UBE2F: variants seen among roughly 807,000 people sequenced by gnomAD.
UBE2F encodes the protein NEDD8-conjugating enzyme UBE2F.
Under a neutral mutation model 29.6 loss-of-function variants are expected in UBE2F, and 5 were observed. The observed-to-expected ratio is 0.17, with a 90% CI of 0.09 to 0.36. The LOEUF is 0.36. Ranked by LOEUF, UBE2F falls within the 10% of genes least tolerant of loss-of-function variation. The pLI is 1.00. For synonymous variants in UBE2F, 66 were observed against 81.8 expected (o/e 0.81, Z 1.04); for missense variants, 141 against 228.5 (o/e 0.62, Z 2.47).
chr2:238,028,193 G>A (rs1179976469), intron 6 of UBE2F, among the ~76,000 whole-genome samples: 2 of 152,352 alleles, frequency 1.3e-5, no homozygotes, highest in African/African-American at 2.4e-5. Context: ...GCCCAGACCA[G>A]TGGCCACCAC....
intron 3 of UBE2F, among the ~76,000 whole-genome samples, chr2:237,990,232 A>G (rs926385457): frequency 6.6e-6 from 1 of 151,540 alleles, no homozygotes; most frequent in Non-Finnish European, 1.5e-5. Flanking sequence ...GGGGGGCAGG[A>G]TAGACAAGCA....
intron 4 of UBE2F, 62 bp from the exon 5 acceptor site, chr2:238,016,504 T>G (rs2064156797): frequency 6.9e-7 from 1 of 1,453,524 alleles, no homozygotes; most frequent in Non-Finnish European, 9.5e-7. Flanking sequence ...AGTGTTTGCT[T>G]TTTGTTTCCT....
intron 5 of UBE2F, 159 bp from the exon 6 acceptor site, chr2:238,025,183 G>A (rs1260259245): frequency 3.1e-6 from 2 of 647,416 alleles, no homozygotes; most frequent in Admixed American, 2.2e-5. Context: ...GGTGAGGTGA[G>A]CCAGTATTCA....
chr2:238,022,125 G>A (rs1294086915), intron 5 of UBE2F, among the ~76,000 whole-genome samples: 1 of 151,448 alleles, frequency 6.6e-6, no homozygotes, highest in East Asian at 1.9e-4. Context: ...GGAGGAAATG[G>A]TATCTCGTTT....
At chr2:238,012,953 A>G (rs920640708) in intron 4 of UBE2F, among the ~76,000 whole-genome samples, 1 of 152,164 alleles carries the variant, frequency 6.6e-6, no homozygotes, top group Non-Finnish European at 1.5e-5. Context: ...AGGACATACT[A>G]TTTATAATAC....
intron 4 of UBE2F, among the ~76,000 whole-genome samples, chr2:237,996,462 C>T (rs569154587): frequency 2.0e-4 from 28 of 141,096 alleles, no homozygotes; most frequent in Non-Finnish European, 1.1e-4. Flanking sequence ...GTTTCTTCCC[C>T]GCCTCCCCTC....
At chr2:237,976,803 T>C (rs1249147006) in intron 2 of UBE2F, among the ~76,000 whole-genome samples, 1 of 152,132 alleles carries the variant, frequency 6.6e-6, no homozygotes, top group East Asian at 1.9e-4. Context: ...AATGGGGTAA[T>C]TCTTGTTTGA....
chr2:237,986,680 A>C (rs542661049), intron 2 of UBE2F, among the ~76,000 whole-genome samples: 1 of 152,212 alleles, frequency 6.6e-6, no homozygotes, highest in South Asian at 2.1e-4. Context: ...TTTTGAGTTG[A>C]TTTTTCATGT....
rs536634238 is a variant in UBE2F, at chr2:238,041,577, T to G, written c.*239T>G. The G allele has an allele frequency of 1.2e-4, 56 of 480,318 alleles. No individual in the cohort carries two copies. In the East Asian group the frequency reaches 2.0e-3, roughly 17 times the overall value. 29.8% of individuals were successfully genotyped at this position (480,318 alleles called of 1,614,324 possible). A position where few individuals can be genotyped will look rare whatever the true frequency, so the allele number is the denominator to read the frequency against. On this transcript the variant is annotated 3_prime_UTR_variant, in exon 10 of 10. Coordinates refer to ENST00000272930, the MANE Select transcript of UBE2F (RefSeq NM_080678.3). Reference sequence around the variant, plus strand: ...GCTTCTGAAGAGTTGTCTGCTTACCTTAACATGTTTACTTTTTTGAACTTG... The same window carrying G: ...GCTTCTGAAGAGTTGTCTGCTTACCGTAACATGTTTACTTTTTTGAACTTG...
At chr2:238,015,360 G>A (rs1231110519) in intron 4 of UBE2F, among the ~76,000 whole-genome samples, 2 of 152,084 alleles carry the variant, frequency 1.3e-5, no homozygotes, top group Admixed American at 6.5e-5. Context: ...AGTAATAAAA[G>A]GAGAGTTTCA....
At chr2:238,003,562 A>G in intron 4 of UBE2F, 2 of 301,504 alleles carry the variant, frequency 6.6e-6, no homozygotes, top group Middle Eastern at 8.3e-4. Flanking sequence ...AAAACCATTC[A>G]TTTCCATGGG....
intron 4 of UBE2F, among the ~76,000 whole-genome samples, chr2:237,996,228 G>C (rs952792784): frequency 1.2e-4 from 19 of 152,168 alleles, no homozygotes; most frequent in Non-Finnish European, 2.2e-4. Context: ...TCATTGTAGT[G>C]ATTAAGATTG....
intron 6 of UBE2F, among the ~76,000 whole-genome samples, chr2:238,029,947 CTTTCT>C (rs144511363): frequency 0.097 from 12,701 of 130,774 alleles, 634 homozygotes; most frequent in African/African-American, 0.21. Flanking sequence ...TTCTTTCTTT[CTTTCT>C]TTTTTTTTTT....
At chr2:238,039,079 A>T (rs527586914) in intron 9 of UBE2F, among the ~76,000 whole-genome samples, 15 of 152,266 alleles carry the variant, frequency 9.9e-5, no homozygotes, top group African/African-American at 3.6e-4. Context: ...TAGTAAAAAT[A>T]AAAAAATTAG....
chr2:238,016,189 A>C (rs1220965046), intron 4 of UBE2F, among the ~76,000 whole-genome samples: 1 of 152,118 alleles, frequency 6.6e-6, no homozygotes, highest in Non-Finnish European at 1.5e-5. Flanking sequence ...TCTTGGGGAG[A>C]CCAGCAGTAA....
intron 6 of UBE2F, among the ~76,000 whole-genome samples, chr2:238,030,094 T>A (rs2064538743): frequency 1.3e-5 from 2 of 152,084 alleles, no homozygotes; most frequent in African/African-American, 4.8e-5. Flanking sequence ...TATGCCTGGC[T>A]AATTTTTAAT....
chr2:237,968,372 C>T (rs2063104575), intron 1 of UBE2F, among the ~76,000 whole-genome samples: 1 of 152,178 alleles, frequency 6.6e-6, no homozygotes, highest in Non-Finnish European at 1.5e-5. Context: ...AACCAGCGTA[C>T]TCCTGTGCCG....
rs1212034496 is a variant in UBE2F at position 238,040,143 on chromosome 2, C to T, written c.508-1145C>T. 2.6e-5 allele frequency among the ~76,000 whole-genome samples: 4 copies of T among 152,296 alleles called. No homozygotes were observed. The highest frequency in any genetic ancestry group is 3.9e-4 in the East Asian group (2 of 5,180). On this transcript the variant is annotated intron_variant, in intron 9 of 9. Coordinates refer to ENST00000272930, the MANE Select transcript of UBE2F (RefSeq NM_080678.3). The surrounding 1 kb of genome is among the most constrained non-coding windows in gnomAD (Gnocchi z 4.4). ...CCAGAGCAAGTCATGGGACCGTATC[C>T]ATAGCTTCAAATTGGGAACTTGCCC...
intron 2 of UBE2F, among the ~76,000 whole-genome samples, chr2:237,981,167 G>T (rs956414667): frequency 1.3e-5 from 2 of 152,158 alleles, no homozygotes; most frequent in African/African-American, 2.4e-5. Flanking sequence ...CTTGTAGGTG[G>T]GTGGCGTTCT....
Sources: gnomAD v4.1 joint callset for allele counts (sites outside exome capture counted in the v4.1 genomes callset) on GRCh38, gnomAD v4.1.1 for gene constraint, Gnocchi (gnomAD v3.1) non-coding constraint, MANE v1.5 for transcripts, NCBI Gene and HGNC (gene_info 2026-07-23, HGNC 2026-07-21) for gene names.